The following ADGRV1 variants were observed in gnomAD, a reference collection of about 807,000 sequenced individuals.
The protein encoded by ADGRV1 is adhesion G protein-coupled receptor V1.
ADGRV1 carries 359 observed loss-of-function variants against 596.2 expected under a neutral mutation model. The observed-to-expected ratio is 0.60, with a 90% confidence interval of 0.55 to 0.66. The LOEUF (loss-of-function observed/expected upper bound fraction) is 0.66, where lower values mean the gene tolerates loss of function less well. Among genes scored for constraint, ADGRV1 ranks in the 30% least tolerant of loss-of-function variants. ADGRV1 has a pLI of 0.00. For synonymous variants in ADGRV1, 2,681 were observed against 2,679.2 expected, an observed-to-expected ratio of 1.00 and a Z score of -0.02; for missense variants, 7,274 against 7,575.6, an observed-to-expected ratio of 0.96 and a Z score of 1.48.
chr5:90,967,588 C>T (rs540546388), intron 84 of ADGRV1, among the ~76,000 whole-genome samples: 1 of 151,912 alleles, frequency 6.6e-6, no homozygotes, highest in African/African-American at 2.4e-5. Flanking sequence ...TTGTCCATGC[C>T]CCTGACCTAT....
intron 85 of ADGRV1, among the ~76,000 whole-genome samples, chr5:91,038,362 C>A (rs894735581): frequency 9.9e-5 from 15 of 152,044 alleles, no homozygotes; most frequent in Non-Finnish European, 7.4e-5. Flanking sequence ...TTTAAAATGC[C>A]CCTCCATTGT....
Position 90,816,264 on chromosome 5 carries a change from T to C in ADGRV1, c.16196+528T>C, listed in dbSNP as rs141193067. Among the ~76,000 whole-genome samples the C allele has an allele frequency of 8.0e-3, 1,211 of 152,216 alleles. 15 individuals carry two copies. Among genetic ancestry groups the C allele is most frequent in the African/African-American group, 0.028 (1,157 of 41,554 alleles). ...TGTTGTTTCTTTAGAAAAATCCTTT[T>C]TAAAAGAGAAATGAGGAACATTTAC... On this transcript the variant is annotated intron_variant, in intron 75 of 89. Transcript: ENST00000405460.
chr5:91,143,718 G>A (rs1361392228), intron 87 of ADGRV1, among the ~76,000 whole-genome samples: 5 of 152,162 alleles, frequency 3.3e-5, no homozygotes, highest in African/African-American at 7.2e-5. Context: ...CTGGCCCCCA[G>A]GCTTCAGGCC....
intron 85 of ADGRV1, among the ~76,000 whole-genome samples, chr5:91,060,398 A>ATATAT (rs796332430): frequency 8.3e-5 from 5 of 60,530 alleles, no homozygotes; most frequent in Middle Eastern, 8.8e-3. Context: ...ATATATATAT[A>ATATAT]TTTTTTTTTT....
At chr5:91,098,362 G>C (rs557766853) in intron 86 of ADGRV1, among the ~76,000 whole-genome samples, 1 of 151,652 alleles carries the variant, frequency 6.6e-6, no homozygotes, top group East Asian at 1.9e-4. Context: ...TGCCTCCTCA[G>C]AGGCAGATTA....
rs761632226 is a variant in ADGRV1, at chr5:90,651,642, A to G, written c.3328A>G (p.Ile1110Val). 7 of 1,610,144 alleles carry G rather than the reference A, an allele frequency of 4.3e-6. No individual in the cohort carries two copies. The highest frequency in any genetic ancestry group is 5.9e-6 in the Non-Finnish European group (7 of 1,176,888). The change falls in exon 18 of 90, where the codon ATA becomes GTA. Residue 1110 changes from isoleucine (I) to valine (V), a missense_variant. Transcript: ENST00000405460. Reference sequence around the variant, plus strand: ...ATATCAATATGGAGTAGCTACAGTAATAATTGAAGCTAATGATGACCCAAA... The same window carrying G: ...ATATCAATATGGAGTAGCTACAGTAGTAATTGAAGCTAATGATGACCCAAA... ...VVYQYGVATVIIEANDDPNGI... is the reference protein window; with the variant it reads ...VVYQYGVATVVIEANDDPNGI...
intron 1 of ADGRV1, among the ~76,000 whole-genome samples, chr5:90,611,838 T>C (rs1380941945): frequency 6.6e-6 from 1 of 151,986 alleles, no homozygotes; most frequent in Non-Finnish European, 1.5e-5. Flanking sequence ...ATTTTTAGTG[T>C]GATAGAGGAA....
At chr5:90,879,938 G>A (rs540581563) in intron 83 of ADGRV1, among the ~76,000 whole-genome samples, 3 of 152,068 alleles carry the variant, frequency 2.0e-5, no homozygotes, top group Non-Finnish European at 4.4e-5. Flanking sequence ...GTGACAGAGC[G>A]AAACTCTGTC....
chr5:90,932,855 A>G (rs1775374787), intron 83 of ADGRV1, among the ~76,000 whole-genome samples: 1 of 152,126 alleles, frequency 6.6e-6, no homozygotes, highest in Non-Finnish European at 1.5e-5. Flanking sequence ...GTATACATGT[A>G]AAAACACACA....
chr5:90,788,894 T>TCACA (rs1398966241), intron 68 of ADGRV1, among the ~76,000 whole-genome samples: 1 of 132,104 alleles, frequency 7.6e-6, no homozygotes, highest in African/African-American at 3.1e-5. Context: ...ACACACACAC[T>TCACA]CACACACACA....
intron 1 of ADGRV1, among the ~76,000 whole-genome samples, chr5:90,561,019 A>G (rs536405311): frequency 1.2e-4 from 18 of 152,180 alleles, no homozygotes; most frequent in Non-Finnish European, 1.9e-4. Context: ...TTCATATCCT[A>G]TGATGAATCA....
At chr5:90,833,885 A>G (rs1051164718) in intron 77 of ADGRV1, among the ~76,000 whole-genome samples, 1 of 152,130 alleles carries the variant, frequency 6.6e-6, no homozygotes, top group Non-Finnish European at 1.5e-5. Context: ...TGGACTTTAT[A>G]TCATTCTCTT....
chr5:91,078,619 T>C (rs1461618638), intron 86 of ADGRV1, among the ~76,000 whole-genome samples: 1 of 152,190 alleles, frequency 6.6e-6, no homozygotes, highest in East Asian at 1.9e-4. Flanking sequence ...CTAAGTTCAA[T>C]TACCCAGAGA....
chr5:90,646,770 TTC>T (rs56848639), intron 16 of ADGRV1, among the ~76,000 whole-genome samples: 22,092 of 148,460 alleles, frequency 0.15, 1,729 homozygotes, highest in East Asian at 0.34. Flanking sequence ...TCTTTCTTTC[TTC>T]TTCTTTTTTT....
intron 83 of ADGRV1, among the ~76,000 whole-genome samples, chr5:90,883,798 T>C (rs1415912882): frequency 1.3e-5 from 2 of 152,080 alleles, no homozygotes; most frequent in African/African-American, 4.8e-5. Flanking sequence ...GAGAAGTGAG[T>C]TGCAGTAACT....
chr5:90,776,332 G>A (rs1423897997), intron 60 of ADGRV1, 121 bp from the exon 61 acceptor site: 1 of 917,346 alleles, frequency 1.1e-6, no homozygotes, highest in Non-Finnish European at 1.7e-6. Flanking sequence ...ATACCTTACT[G>A]ATATGAGAGT....
intron 45 of ADGRV1, among the ~76,000 whole-genome samples, chr5:90,723,244 G>A (rs1179760436): frequency 2.0e-5 from 3 of 152,128 alleles, no homozygotes; most frequent in Admixed American, 6.5e-5. Context: ...ACCTGGAGAA[G>A]GTAGTAGTGG....
chr5:90,583,371 G>C (rs1378359962), intron 1 of ADGRV1, among the ~76,000 whole-genome samples: 11 of 151,872 alleles, frequency 7.2e-5, no homozygotes. Context: ...TCTAACATGA[G>C]TTTGAAAAAA....
At chr5:90,915,757 A>T (rs1179529204) in intron 83 of ADGRV1, among the ~76,000 whole-genome samples, 3 of 152,182 alleles carry the variant, frequency 2.0e-5, no homozygotes, top group Non-Finnish European at 4.4e-5. Context: ...CTTCATCATT[A>T]AACAAAGTAC....
Sources: allele counts gnomAD v4.1 joint callset (sites outside exome capture counted in the v4.1 genomes callset), GRCh38; gene constraint gnomAD v4.1.1; transcripts MANE v1.5; gene names NCBI Gene and HGNC (gene_info 2026-07-23, HGNC 2026-07-21).